The following SYNE2 variants were observed in gnomAD, a reference collection of about 807,000 sequenced individuals.
SYNE2 encodes nesprin-2.
SYNE2 carries 431 observed loss-of-function variants against 856.3 expected under a neutral mutation model. The ratio of observed to expected loss-of-function variants is 0.50; its 90% confidence interval spans 0.47 to 0.55. The LOEUF (loss-of-function observed/expected upper bound fraction) is 0.55, where lower values mean the gene tolerates loss of function less well. Among genes scored for constraint, SYNE2 ranks in the 20% least tolerant of loss-of-function variants. The pLI is 0.00. For missense variants in SYNE2, 8,129 were observed against 8,023.2 expected (o/e 1.01, Z -0.50); for synonymous variants, 2,923 against 2,872.3 (o/e 1.02, Z -0.56).
At chr14:63,831,798 C>T (rs1264720731) in intron 1 of SYNE2, among the ~76,000 whole-genome samples, 1 of 151,916 alleles carries the variant, frequency 6.6e-6, no homozygotes, top group Non-Finnish European at 1.5e-5. Flanking sequence ...CCCACCTCAG[C>T]CTCCCAAAGT....
intron 1 of SYNE2, among the ~76,000 whole-genome samples, chr14:63,890,305 C>T (rs1288663318): frequency 6.6e-6 from 1 of 152,038 alleles, no homozygotes. Flanking sequence ...TCAAGTGATC[C>T]ACCTGCCTCA....
At position 63,950,857 on chromosome 14, in the gene SYNE2, G is replaced by T. The variant is rs774310889; in HGVS notation, c.590+851G>T. 2.6e-5 allele frequency among the ~76,000 whole-genome samples: 4 copies of T among 151,908 alleles called. No homozygotes were observed. The East Asian group carries it at 7.7e-4, about 29-fold the overall frequency. ...TTTTTTGTAGAGATGGGGTTTTGCC[G>T]TGTTGCCCAGGCTGGTCTCAAATTC... is the stretch of plus-strand genomic sequence containing the variant. On this transcript the variant is annotated intron_variant, in intron 7 of 115. Transcript: ENST00000555002.
At chr14:64,106,132 ACCC>A (rs72135678) in intron 64 of SYNE2, among the ~76,000 whole-genome samples, 3 of 120,756 alleles carry the variant, frequency 2.5e-5, no homozygotes, top group Admixed American at 1.7e-4. Context: ...GCATTTCCAG[ACCC>A]CCCCCCCCAA....
intron 2 of SYNE2, among the ~76,000 whole-genome samples, chr14:63,923,457 G>A (rs1452737409): frequency 6.6e-6 from 1 of 152,188 alleles, no homozygotes; most frequent in Non-Finnish European, 1.5e-5. Context: ...TATGTTGATT[G>A]AGGAAAAATA....
chr14:64,137,274 A>C (rs911672442), intron 78 of SYNE2, among the ~76,000 whole-genome samples: 1 of 152,168 alleles, frequency 6.6e-6, no homozygotes, highest in Non-Finnish European at 1.5e-5. Context: ...ATCTCAGCTC[A>C]CTGCAGCCTC....
intron 79 of SYNE2, among the ~76,000 whole-genome samples, chr14:64,138,638 A>G (rs1015404235): frequency 1.3e-5 from 2 of 152,240 alleles, no homozygotes; most frequent in African/African-American, 4.8e-5. Context: ...AATTAAAAAA[A>G]TTAAATGATT....
Position 64,226,267 on chromosome 14 carries a change from G to C in SYNE2, c.*741G>C, listed in dbSNP as rs1237192583. The C allele has an allele frequency of 1.5e-5, 2 of 131,468 alleles. No homozygotes were observed. The highest frequency in any genetic ancestry group is 3.1e-5 in the Non-Finnish European group (2 of 63,900). The allele number at this position is 131,468 out of a possible 1,614,324, so 8.1% of individuals were successfully genotyped here. On this transcript the variant is annotated 3_prime_UTR_variant, in exon 116 of 116. Coordinates refer to ENST00000555002, the MANE Select transcript of SYNE2 (RefSeq NM_182914.3). ...CTACCGACTTGATAGGGATGTTTTT[G>C]TAAGTTAATTTTCTAAGACTTTTTC...
chr14:64,174,542 C>T (rs1011674968), intron 94 of SYNE2, among the ~76,000 whole-genome samples: 4 of 152,148 alleles, frequency 2.6e-5, no homozygotes, highest in African/African-American at 9.7e-5. Flanking sequence ...CGCGTTCTTT[C>T]CTTTTACATT....
rs765986801 is a variant in SYNE2 at position 64,065,438 on chromosome 14, G to C, written c.10219G>C (p.Val3407Leu). 1.9e-6 allele frequency: 3 copies of C among 1,613,824 alleles called. No individual in the cohort carries two copies. Among genetic ancestry groups the C allele is most frequent in the East Asian group, 4.5e-5 (2 of 44,900 alleles). ...LERLEQSKAL[V>L]SNLISTKEEL... Reference sequence around the variant, plus strand: ...TTTTCTTTTCTTTCTTAAGGCCTTGGTGTCAAATCTTATATCAACCAAAGA... The same window carrying C: ...TTTTCTTTTCTTTCTTAAGGCCTTGCTGTCAAATCTTATATCAACCAAAGA... The change falls in exon 51 of 116, where the codon GTG (valine) becomes CTG (leucine). Residue 3407 changes from valine (V) to leucine (L), a missense_variant. Around this residue, in one of 3 missense-constraint regions of SYNE2, gnomAD observed 5,410 missense variants for 5,284.8 expected, o/e 1.02. Coordinates refer to ENST00000555002, the MANE Select transcript of SYNE2 (RefSeq NM_182914.3).
At chr14:64,185,075 G>A (rs1274379135) in intron 96 of SYNE2, among the ~76,000 whole-genome samples, 2 of 152,216 alleles carry the variant, frequency 1.3e-5, no homozygotes, top group African/African-American at 4.8e-5. Flanking sequence ...GGGCAAAATG[G>A]TGAGACTTCC....
At chr14:63,895,775 CAAAAAAA>C (rs10544076) in intron 1 of SYNE2, among the ~76,000 whole-genome samples, 1 of 92,624 alleles carries the variant, frequency 1.1e-5, no homozygotes, top group South Asian at 3.6e-4. Context: ...TCCAAATCTC[CAAAAAAA>C]AAAAAAAAAA....
intron 6 of SYNE2, among the ~76,000 whole-genome samples, chr14:63,948,781 T>C (rs1226827293): frequency 3.0e-5 from 2 of 65,744 alleles, no homozygotes; most frequent in African/African-American, 5.7e-5. Flanking sequence ...TATGTGTGTG[T>C]GTATATATAT....
At chr14:64,140,608 A>C (rs1379521302) in intron 80 of SYNE2, among the ~76,000 whole-genome samples, 1 of 152,236 alleles carries the variant, frequency 6.6e-6, no homozygotes, top group Non-Finnish European at 1.5e-5. Context: ...GACATAGGTC[A>C]TGTTTTACAA....
intron 1 of SYNE2, among the ~76,000 whole-genome samples, chr14:63,863,283 G>A (rs1273898999): frequency 6.6e-6 from 1 of 152,058 alleles, no homozygotes; most frequent in African/African-American, 2.4e-5. Context: ...GACACATTTA[G>A]TAGGAGATCA....
rs1211433052 is a variant in SYNE2 at position 63,993,863 on chromosome 14, G to A, written c.2675G>A (p.Ser892Asn). Residue 892 changes from serine (S) to asparagine (N), a missense_variant, in exon 22 of 116, where the codon AGT becomes AAT. By Grantham distance (46) the Ser-to-Asn change is conservative (BLOSUM62 1). Transcript: ENST00000555002. ...KEALIISNTKSLAKYLKAVEE... is the reference protein window; with the variant it reads ...KEALIISNTKNLAKYLKAVEE... ...GCACTAATAATTTCTAATACAAAAA[G>A]TCTGGCCAAGTATTTGAAAGCTGTT... The A allele has an allele frequency of 1.2e-6, 2 of 1,605,168 alleles. No individual in the cohort carries two copies. Among genetic ancestry groups the A allele is most frequent in the Admixed American group, 3.4e-5 (2 of 59,354 alleles).
chr14:63,900,693 A>C (rs576701295), intron 1 of SYNE2, among the ~76,000 whole-genome samples: 1 of 152,288 alleles, frequency 6.6e-6, no homozygotes, highest in South Asian at 2.1e-4. Context: ...GCCCAGGAGG[A>C]GGGAATAGAG....
At chr14:63,869,636 C>CAAAA (rs35258750) in intron 1 of SYNE2, among the ~76,000 whole-genome samples, 2,034 of 76,678 alleles carry the variant, frequency 0.027, 61 homozygotes, top group African/African-American at 0.066. Flanking sequence ...AACTTTGTCT[C>CAAAA]AAAAAAAAAA....
chr14:63,775,377 T>G (rs1477577960), intron 1 of SYNE2, among the ~76,000 whole-genome samples: 1 of 151,858 alleles, frequency 6.6e-6, no homozygotes, highest in Non-Finnish European at 1.5e-5. Context: ...CAGTTTCAAG[T>G]GATTCTCCTC....
At position 64,224,181 on chromosome 14, in the gene SYNE2, CAAAAA is replaced by C. The variant is rs35804232; in HGVS notation, c.20383-263_20383-259del. Among the ~76,000 whole-genome samples, 10 of 74,744 alleles carry C rather than the reference CAAAAA, an allele frequency of 1.3e-4. 1 individual carries two copies. The highest frequency in any genetic ancestry group is 8.0e-4 in the East Asian group (2 of 2,514). The allele number at this position is 74,744 out of a possible 152,430, so 49.0% of individuals were successfully genotyped here. A position where few individuals can be genotyped will look rare whatever the true frequency, so the allele number is the denominator to read the frequency against. On this transcript the variant is annotated intron_variant, in intron 113 of 115. Coordinates refer to ENST00000555002, the MANE Select transcript of SYNE2 (RefSeq NM_182914.3). Reference sequence around the variant, plus strand: ...GCAACATGGTGAAATCCCGTCTCTGCAAAAAAAAAAAAAAAAAAAAATACAAAACC... The same window carrying C: ...GCAACATGGTGAAATCCCGTCTCTGCAAAAAAAAAAAAAAAATACAAAACC...
Sources: allele counts gnomAD v4.1 joint callset (sites outside exome capture counted in the v4.1 genomes callset), GRCh38; gene constraint gnomAD v4.1.1; regional missense constraint gnomAD v4.1.1; transcripts MANE v1.5; gene names NCBI Gene and HGNC (gene_info 2026-07-23, HGNC 2026-07-21).